Variants in CEP192 observed in about 807,000 individuals in gnomAD.
CEP192 encodes the protein centrosomal protein of 192 kDa.
CEP192 carries 151 observed loss-of-function variants against 271.8 expected under a neutral mutation model. The ratio of observed to expected loss-of-function variants is 0.56; its 90% CI spans 0.49 to 0.64. The LOEUF is 0.64. Among genes scored for constraint, CEP192 ranks in the 30% least tolerant of loss-of-function variants. The probability of loss-of-function intolerance (pLI) is 0.00; values close to 1 mark genes in which losing one functional copy is unlikely to be tolerated. For synonymous variants in CEP192, 995 were observed against 1,076.5 expected, an observed-to-expected ratio of 0.92 and a Z score of 1.48; for missense variants, 2,910 against 3,020.5, an observed-to-expected ratio of 0.96 and a Z score of 0.86.
At chr18:13,064,373 G>A (rs920025756) in intron 21 of CEP192, among the ~76,000 whole-genome samples, 7 of 151,960 alleles carry the variant, frequency 4.6e-5, no homozygotes, top group African/African-American at 1.7e-4. Context: ...AGCACTTTGA[G>A]AGGCCAAGGC....
At chr18:13,086,989 T>G in intron 30 of CEP192, 28 bp from the exon 31 acceptor site, 1 of 1,517,780 alleles carries the variant, frequency 6.6e-7, no homozygotes, top group Non-Finnish European at 9.0e-7. Context: ...AACATTAAAA[T>G]AATTTTGGAT....
intron 21 of CEP192, among the ~76,000 whole-genome samples, chr18:13,063,587 G>A (rs963240926): frequency 4.6e-5 from 7 of 152,056 alleles, no homozygotes; most frequent in Admixed American, 2.6e-4. Flanking sequence ...CCATAGAGTT[G>A]TTTGAGCCCC....
At chr18:13,085,159 CT>C (rs1384656724) in intron 30 of CEP192, among the ~76,000 whole-genome samples, 3 of 152,040 alleles carry the variant, frequency 2.0e-5, no homozygotes, top group South Asian at 4.1e-4. Flanking sequence ...TAATGATGAG[CT>C]TTTTTTCACG....
At chr18:13,119,852 T>G (rs2040585910) in intron 44 of CEP192, among the ~76,000 whole-genome samples, 1 of 152,244 alleles carries the variant, frequency 6.6e-6, no homozygotes, top group Non-Finnish European at 1.5e-5. Context: ...AATATTTACC[T>G]ATACCTCATC....
At chr18:13,014,995 T>C (rs963184510) in intron 5 of CEP192, among the ~76,000 whole-genome samples, 4 of 152,212 alleles carry the variant, frequency 2.6e-5, no homozygotes, top group East Asian at 1.9e-4. Context: ...TTTGCTGTTA[T>C]CTTCACTTTC....
chr18:13,099,552 A>T lies in CEP192; in HGVS notation c.6634A>T (p.Ile2212Phe). 1 of 1,595,058 alleles carries T rather than the reference A, an allele frequency of 6.3e-7. No individual in the cohort carries two copies. The highest frequency in any genetic ancestry group is 8.5e-7 in the Non-Finnish European group (1 of 1,169,760). The change falls in exon 37 of 45, where the codon ATC becomes TTC. Residue 2212 changes from isoleucine (I) to phenylalanine (F), a missense_variant. Transcript: ENST00000506447. The part of the protein sequence containing the change: ...KQSMFPWSGL[I>F]YIHCDDGQKK... Reference sequence around the variant, plus strand: ...GTCAATGTTCCCGTGGAGTGGTTTGATCTATATACACTGTGACGATGGACA... The same window carrying T: ...GTCAATGTTCCCGTGGAGTGGTTTGTTCTATATACACTGTGACGATGGACA...
intron 40 of CEP192, among the ~76,000 whole-genome samples, chr18:13,111,971 A>G (rs2040229601): frequency 6.6e-6 from 1 of 152,202 alleles, no homozygotes; most frequent in South Asian, 2.1e-4. Context: ...AAAACAGAAA[A>G]TAACAGGTGT....
Position 13,073,017 on chromosome 18 carries a change from C to A in CEP192, c.5448C>A (p.Asn1816Lys). 1 of 1,605,210 alleles carries A rather than the reference C, an allele frequency of 6.2e-7. No homozygotes were observed. The highest frequency in any genetic ancestry group is 8.5e-7 in the Non-Finnish European group (1 of 1,177,116). ...GQDQDCFQLQ[N>K]TFGSEQRLTS... ...CTGTTTTTAAATTGTAGCTTCAGAACACTTTTGGTTCAGAACAGCGATTGA... is the reference window on the plus strand; with the variant it reads ...CTGTTTTTAAATTGTAGCTTCAGAAAACTTTTGGTTCAGAACAGCGATTGA... Residue 1816 changes from asparagine (N) to lysine (K), a missense_variant, in exon 30 of 45, where the codon AAC (asparagine) becomes AAA (lysine). By Grantham distance (94) the Asn-to-Lys change is moderately conservative. Transcript: ENST00000506447.
intron 9 of CEP192, among the ~76,000 whole-genome samples, chr18:13,021,851 G>A (rs566096919): frequency 9.9e-4 from 151 of 152,182 alleles, no homozygotes; most frequent in African/African-American, 3.4e-3. Context: ...AAGTACTTTC[G>A]TCTTTTAGAT....
intron 42 of CEP192, among the ~76,000 whole-genome samples, chr18:13,115,542 T>A (rs1006313402): frequency 1.3e-5 from 2 of 151,910 alleles, no homozygotes; most frequent in Admixed American, 6.6e-5. Context: ...ATCCCCTAGC[T>A]GTGGTATGAC....
At chr18:13,098,887 A>G (rs1036384194) in intron 36 of CEP192, among the ~76,000 whole-genome samples, 3 of 152,140 alleles carry the variant, frequency 2.0e-5, no homozygotes, top group African/African-American at 7.2e-5. Context: ...CAGCCTGGGC[A>G]CCATTGAGCA....
chr18:13,042,139 A>C (rs2036240920), intron 14 of CEP192, 65 bp from the exon 15 acceptor site: 2 of 1,398,558 alleles, frequency 1.4e-6, no homozygotes, highest in African/African-American at 2.9e-5. Flanking sequence ...CCTGGTCCTT[A>C]TTCCACAGAC....
At position 13,101,471 on chromosome 18, in the gene CEP192, T is replaced by C. The variant is rs149340352; in HGVS notation, c.6871+959T>C. ...AGTTAGCATGGTGTTTGTTGTCTAT[T>C]AGGCACTCTGTATTGCTCACATTCC... On this transcript the variant is annotated intron_variant, in intron 38 of 44. Transcript: ENST00000506447. Among the ~76,000 whole-genome samples the C allele has an allele frequency of 5.3e-3, 807 of 152,312 alleles. 8 individuals are homozygous for C. The highest frequency in any genetic ancestry group is 0.018 in the African/African-American group (730 of 41,556).
chr18:13,087,475 T>C (rs2144697304), intron 31 of CEP192, 56 bp from the exon 32 acceptor site: 1 of 1,034,628 alleles, frequency 9.7e-7, no homozygotes, highest in East Asian at 2.5e-5. Flanking sequence ...TGAATCAGAT[T>C]GAAATTACTT....
intron 13 of CEP192, among the ~76,000 whole-genome samples, chr18:13,039,948 G>T (rs1046220016): frequency 6.6e-6 from 1 of 152,208 alleles, no homozygotes; most frequent in Non-Finnish European, 1.5e-5. Context: ...TAGAGTCAAA[G>T]AATTTGTTGA....
intron 39 of CEP192, among the ~76,000 whole-genome samples, chr18:13,104,252 A>G (rs1787003): frequency 0.71 from 107,705 of 152,082 alleles, 39,317 homozygotes; most frequent in African/African-American, 0.89. Context: ...GAGTGCTGTC[A>G]TATGTTCCCA....
In CEP192 at chr18:13,029,777, C is replaced by A; in HGVS notation, c.1165C>A (p.Pro389Thr). 1 of 1,551,542 alleles carries A rather than the reference C, an allele frequency of 6.4e-7. No individual in the cohort carries two copies. Among genetic ancestry groups the A allele is most frequent in the Non-Finnish European group, 8.7e-7 (1 of 1,146,926 alleles). Residue 389 changes from proline to threonine, a missense_variant, in exon 10 of 45, where the codon CCT becomes ACT. Coordinates refer to ENST00000506447, the MANE Select transcript of CEP192 (RefSeq NM_032142.4). ...TAGAGGTGGTTTTGATCTGACTGAC[C>A]CTGTAAAACAGGGGGCAGAGTGTCC... ...ANRGGFDLTDPVKQGAECPHQ... is the reference protein window; with the variant it reads ...ANRGGFDLTDTVKQGAECPHQ...
At chr18:13,083,008 T>C (rs2038705822) in intron 30 of CEP192, among the ~76,000 whole-genome samples, 1 of 152,226 alleles carries the variant, frequency 6.6e-6, no homozygotes, top group South Asian at 2.1e-4. Context: ...TCTGATGTGC[T>C]TCCCTTTGTG....
chr18:13,026,999 A>G (rs961507056), intron 9 of CEP192, among the ~76,000 whole-genome samples: 1 of 152,138 alleles, frequency 6.6e-6, no homozygotes, highest in Non-Finnish European at 1.5e-5. Flanking sequence ...TACTGTAAAT[A>G]GGCCTTTCAT....
Sources: allele counts gnomAD v4.1 joint callset (sites outside exome capture counted in the v4.1 genomes callset), GRCh38; gene constraint gnomAD v4.1.1; transcripts MANE v1.5; gene names NCBI Gene and HGNC (gene_info 2026-07-23, HGNC 2026-07-21).